SPON1: variants seen among roughly 807,000 people sequenced by gnomAD.
The protein encoded by SPON1 is spondin 1.
Under a neutral mutation model 111.7 loss-of-function variants are expected in SPON1, and 52 were observed. The ratio of observed to expected loss-of-function variants is 0.47; its 90% CI spans 0.37 to 0.59. The LOEUF (loss-of-function observed/expected upper bound fraction) is 0.59, where lower values mean the gene tolerates loss of function less well. SPON1 is among the 20% of genes least tolerant of loss of function. The pLI is 0.00. For synonymous variants in SPON1, 410 were observed against 395.8 expected, an observed-to-expected ratio of 1.04 and a Z score of -0.43; for missense variants, 957 against 1,068.5, an observed-to-expected ratio of 0.90 and a Z score of 1.46.
intron 6 of SPON1, among the ~76,000 whole-genome samples, chr11:14,216,058 GT>G (rs1311402871): frequency 1.3e-5 from 2 of 152,208 alleles, no homozygotes; most frequent in African/African-American, 4.8e-5. Context: ...GAGGACAATT[GT>G]TCATCAAGGT....
At chr11:14,100,143 GTTT>G (rs10585637) in intron 5 of SPON1, among the ~76,000 whole-genome samples, 26 of 145,904 alleles carry the variant, frequency 1.8e-4, no homozygotes, top group South Asian at 6.4e-4. Flanking sequence ...TACTTACTGA[GTTT>G]TTTTTTTTTT....
chr11:14,109,672 TAATTA>T (rs1409699029), intron 5 of SPON1, among the ~76,000 whole-genome samples: 2 of 152,216 alleles, frequency 1.3e-5, no homozygotes, highest in Non-Finnish European at 2.9e-5. Flanking sequence ...ATTATTTGTT[TAATTA>T]AATTAACTGG....
intron 2 of SPON1, among the ~76,000 whole-genome samples, chr11:13,995,675 T>G (rs782247799): frequency 2.0e-5 from 3 of 152,046 alleles, no homozygotes; most frequent in Non-Finnish European, 4.4e-5. Context: ...TGGCCCCTGG[T>G]ATTAGGAGGT....
chr11:14,115,046 G>A (rs1257121171), intron 5 of SPON1, among the ~76,000 whole-genome samples: 3 of 152,190 alleles, frequency 2.0e-5, no homozygotes, highest in African/African-American at 7.2e-5. Context: ...CCTCTGATCT[G>A]TAAAATGTTC....
At chr11:14,151,277 A>G (rs1380616138) in intron 6 of SPON1, among the ~76,000 whole-genome samples, 1 of 152,182 alleles carries the variant, frequency 6.6e-6, no homozygotes, top group African/African-American at 2.4e-5. Flanking sequence ...GATGTCCTCC[A>G]TAGAAACCAA....
intron 6 of SPON1, among the ~76,000 whole-genome samples, chr11:14,181,898 A>C (rs890037396): frequency 3.9e-5 from 6 of 152,182 alleles, no homozygotes; most frequent in African/African-American, 1.4e-4. Flanking sequence ...ATATTGTTTT[A>C]AATGAAATCA....
At chr11:14,070,269 CAAGAAATATT>C in intron 3 of SPON1, among the ~76,000 whole-genome samples, 1 of 152,174 alleles carries the variant, frequency 6.6e-6, no homozygotes, top group East Asian at 1.9e-4. Flanking sequence ...TAAAGTATTT[CAAGAAATATT>C]CAGTAATAAG....
chr11:14,196,025 C>G (rs1427912121), intron 6 of SPON1, among the ~76,000 whole-genome samples: 1 of 152,086 alleles, frequency 6.6e-6, no homozygotes, highest in African/African-American at 2.4e-5. Context: ...AGCTATCCAC[C>G]ATTTGCCTCA....
At chr11:14,128,466 G>A (rs1290141995) in intron 5 of SPON1, among the ~76,000 whole-genome samples, 20 of 152,232 alleles carry the variant, frequency 1.3e-4, no homozygotes, top group African/African-American at 4.8e-4. Flanking sequence ...GTCGATGTAA[G>A]AGGTGGGCTC....
chr11:14,015,673 T>C (rs1848439339), intron 2 of SPON1, among the ~76,000 whole-genome samples: 1 of 152,224 alleles, frequency 6.6e-6, no homozygotes, highest in Admixed American at 6.5e-5. Context: ...TAACTATGGG[T>C]AAATTTAAAC....
intron 6 of SPON1, among the ~76,000 whole-genome samples, chr11:14,165,481 G>C (rs913396250): frequency 4.6e-5 from 7 of 152,052 alleles, no homozygotes; most frequent in African/African-American, 1.7e-4. Flanking sequence ...TTCAAGGCTT[G>C]CATGGCAAAA....
rs140571047 is a variant in SPON1 at position 14,237,754 on chromosome 11, G to A, written c.826-5578G>A. Among the ~76,000 whole-genome samples, 128 of 152,324 alleles carry A rather than the reference G, an allele frequency of 8.4e-4. No individual in the cohort carries two copies. In the Middle Eastern group the frequency reaches 0.014, roughly 16 times the overall value. On this transcript the variant is annotated intron_variant, in intron 6 of 15. Transcript: ENST00000576479. Reference sequence around the variant, plus strand: ...TGTGCCTTCCCGGCTTCATCAAACCGGTCGTCAGAACAGCAGTAACTTTCA... The same window carrying A: ...TGTGCCTTCCCGGCTTCATCAAACCAGTCGTCAGAACAGCAGTAACTTTCA...
At chr11:14,189,669 A>G (rs1188063717) in intron 6 of SPON1, among the ~76,000 whole-genome samples, 1 of 152,186 alleles carries the variant, frequency 6.6e-6, no homozygotes, top group African/African-American at 2.4e-5. Flanking sequence ...AAGTTAGAGA[A>G]AGTATTTTCT....
intron 2 of SPON1, among the ~76,000 whole-genome samples, 184 bp downstream of exon 2, chr11:13,983,137 T>G (rs1324473467): frequency 1.3e-5 from 2 of 152,248 alleles, no homozygotes; most frequent in Admixed American, 6.5e-5. Flanking sequence ...TGAGCAAGGT[T>G]GGCCATGGGG....
At chr11:14,158,505 A>G (rs1350604359) in intron 6 of SPON1, among the ~76,000 whole-genome samples, 4 of 152,146 alleles carry the variant, frequency 2.6e-5, no homozygotes, top group Non-Finnish European at 5.9e-5. Context: ...TCTTAGCTCA[A>G]GTCATTTTCT....
chr11:14,016,798 T>TG (rs782100813), intron 2 of SPON1, among the ~76,000 whole-genome samples: 1 of 152,232 alleles, frequency 6.6e-6, no homozygotes, highest in Non-Finnish European at 1.5e-5. Flanking sequence ...GGTTTCACAT[T>TG]GCAGAAGATA....
chr11:14,192,853 A>G (rs1279151928), intron 6 of SPON1, among the ~76,000 whole-genome samples: 2 of 151,906 alleles, frequency 1.3e-5, no homozygotes, highest in East Asian at 3.9e-4. Context: ...AAAATGTACA[A>G]CCAAGGTAAA....
intron 15 of SPON1, among the ~76,000 whole-genome samples, chr11:14,263,777 C>T (rs1849219436): frequency 1.3e-5 from 2 of 151,890 alleles, no homozygotes; most frequent in Admixed American, 6.6e-5. Flanking sequence ...GCCTGTAATC[C>T]CAGCACCTTG....
intron 2 of SPON1, among the ~76,000 whole-genome samples, chr11:13,996,135 C>A (rs1410092143): frequency 3.3e-5 from 5 of 152,002 alleles, no homozygotes; most frequent in African/African-American, 1.2e-4. Context: ...CTTTAACAAG[C>A]ACCTAGAGCC....
Sources: gnomAD v4.1 joint callset for allele counts (sites outside exome capture counted in the v4.1 genomes callset) on GRCh38, gnomAD v4.1.1 for gene constraint, MANE v1.5 for transcripts, NCBI Gene and HGNC (gene_info 2026-07-23, HGNC 2026-07-21) for gene names.